Variants in AFF3 observed in about 807,000 individuals in gnomAD.
AFF3 encodes the protein ALF transcription elongation factor 3.
AFF3 carries 32 observed loss-of-function variants against 129.7 expected under a neutral mutation model. The observed-to-expected ratio is 0.25, with a 90% confidence interval of 0.19 to 0.33. The LOEUF is 0.33. AFF3 is among the 10% of genes least tolerant of loss of function. The pLI is 1.00. For missense variants in AFF3, 1,373 were observed against 1,592.0 expected (o/e 0.86, Z 2.34); for synonymous variants, 644 against 635.4 (o/e 1.01, Z -0.20).
intron 4 of AFF3, among the ~76,000 whole-genome samples, chr2:100,031,313 A>C (rs923917724): frequency 4.6e-5 from 7 of 152,224 alleles, no homozygotes; most frequent in African/African-American, 1.7e-4. Flanking sequence ...GTGGGATTAC[A>C]CATATGCAAC....
chr2:99,627,697 G>A (rs1393414937), intron 13 of AFF3, among the ~76,000 whole-genome samples: 4 of 152,240 alleles, frequency 2.6e-5, no homozygotes, highest in African/African-American at 9.6e-5. Context: ...GGTTTTTATA[G>A]TTTTGGGGTT....
chr2:99,619,034 A>G (rs1681733942), intron 13 of AFF3, among the ~76,000 whole-genome samples: 1 of 152,188 alleles, frequency 6.6e-6, no homozygotes, highest in South Asian at 2.1e-4. Context: ...CGTGTGAGTT[A>G]CCATGCCCGG....
chr2:99,837,836 C>T (rs1392689665), intron 7 of AFF3, among the ~76,000 whole-genome samples: 2 of 152,140 alleles, frequency 1.3e-5, no homozygotes, highest in African/African-American at 4.8e-5. Context: ...GGTATGAGCT[C>T]CATCCACCTT....
intron 7 of AFF3, among the ~76,000 whole-genome samples, chr2:99,964,987 C>G (rs1002956710): frequency 6.6e-6 from 1 of 152,168 alleles, no homozygotes; most frequent in Non-Finnish European, 1.5e-5. Flanking sequence ...TAATTCAACT[C>G]AGCCATCAAT....
At chr2:100,011,934 C>G (rs745586924) in intron 4 of AFF3, among the ~76,000 whole-genome samples, 3 of 152,068 alleles carry the variant, frequency 2.0e-5, no homozygotes, top group Non-Finnish European at 4.4e-5. Context: ...AAAGATGCTC[C>G]TCTTTAACTA....
rs747021166 is a variant in AFF3, at chr2:99,551,485, G to A, written c.3670C>T (p.His1224Tyr). ...CCAGGGTGAGGTCCCTATGACAGGT[G>A]GGCGCTGTTCCGCAGCCAGTGCAGG... ...QGLHWLRNSA[H>Y]LS Residue 1224 changes from histidine to tyrosine, a missense_variant, in exon 25 of 25, where the codon CAC (histidine) becomes TAC (tyrosine). His to Tyr is a moderately conservative substitution (Grantham distance 83). This residue lies in a region of AFF3 where 165 missense variants were observed against 234.0 expected (regional missense o/e 0.71). Coordinates refer to ENST00000672756, the MANE Select transcript of AFF3 (RefSeq NM_001386135.1). The A allele has an allele frequency of 1.5e-5, 24 of 1,614,090 alleles. No individual in the cohort carries two copies. The highest frequency in any genetic ancestry group is 2.0e-5 in the Non-Finnish European group (24 of 1,180,008).
At chr2:99,867,003 A>AATAAAT (rs1558928973) in intron 7 of AFF3, among the ~76,000 whole-genome samples, 1,320 of 99,090 alleles carry the variant, frequency 0.013, 30 homozygotes, top group African/African-American at 0.045. Context: ...ATAATAATAA[A>AATAAAT]AAATAAATAA....
chr2:99,934,636 AG>A (rs1326645873), intron 7 of AFF3, among the ~76,000 whole-genome samples: 1 of 152,220 alleles, frequency 6.6e-6, no homozygotes, highest in African/African-American at 2.4e-5. Context: ...AACTACAATG[AG>A]AAAAGCACCC....
chr2:99,922,304 C>A (rs1206159979), intron 7 of AFF3, among the ~76,000 whole-genome samples: 1 of 151,960 alleles, frequency 6.6e-6, no homozygotes, highest in Non-Finnish European at 1.5e-5. Flanking sequence ...TCATAATAAC[C>A]CCAAACTAGA....
At chr2:99,667,878 T>C (rs574474246) in intron 12 of AFF3, among the ~76,000 whole-genome samples, 1 of 152,044 alleles carries the variant, frequency 6.6e-6, no homozygotes, top group African/African-American at 2.4e-5. Flanking sequence ...TTTTTTTGGC[T>C]GGGCGTGGTG....
At chr2:99,918,875 G>A (rs963335988) in intron 7 of AFF3, among the ~76,000 whole-genome samples, 4 of 152,118 alleles carry the variant, frequency 2.6e-5, no homozygotes, top group African/African-American at 9.7e-5. Flanking sequence ...CCAAACTTGG[G>A]TATCTTTGAG....
intron 10 of AFF3, among the ~76,000 whole-genome samples, chr2:99,737,980 A>AG (rs34587369): frequency 0.86 from 129,995 of 151,880 alleles, 55,854 homozygotes; most frequent in South Asian, 0.93. Context: ...TATTCCTAGA[A>AG]TTCTGTTTAA....
At chr2:100,010,039 A>G (rs1308429099) in intron 4 of AFF3, among the ~76,000 whole-genome samples, 1 of 152,112 alleles carries the variant, frequency 6.6e-6, no homozygotes, top group Admixed American at 6.5e-5. Context: ...GTTCTCCCCA[A>G]ATCAGCGACA....
At chr2:99,835,828 T>C (rs1688832132) in intron 8 of AFF3, among the ~76,000 whole-genome samples, 1 of 152,082 alleles carries the variant, frequency 6.6e-6, no homozygotes, top group Admixed American at 6.6e-5. Context: ...ACGTTCTCTC[T>C]TTGTTTCAGG....
chr2:99,842,466 T>C (rs920421336), intron 7 of AFF3, among the ~76,000 whole-genome samples: 5 of 152,172 alleles, frequency 3.3e-5, no homozygotes, highest in South Asian at 4.1e-4. Context: ...TTTGTAGCTG[T>C]TGTTTCATGC....
At chr2:99,654,170 G>A (rs887025692) in intron 12 of AFF3, among the ~76,000 whole-genome samples, 4 of 152,190 alleles carry the variant, frequency 2.6e-5, no homozygotes, top group Admixed American at 6.5e-5. Flanking sequence ...GTGCGCCACT[G>A]CGCCTGGCCT....
chr2:99,602,564 A>G (rs1234063869), intron 13 of AFF3, among the ~76,000 whole-genome samples: 1 of 152,230 alleles, frequency 6.6e-6, no homozygotes, highest in Non-Finnish European at 1.5e-5. Flanking sequence ...CAACATCTTC[A>G]AAGTCCTTTA....
intron 4 of AFF3, among the ~76,000 whole-genome samples, chr2:100,072,603 CAGAGA>C (rs1396722025): frequency 6.6e-6 from 1 of 152,136 alleles, no homozygotes; most frequent in Non-Finnish European, 1.5e-5. Context: ...CCTGCAACCC[CAGAGA>C]AAGTGCCCAT....
At chr2:100,107,130 GT>G (rs1691338323) in intron 2 of AFF3, 1 of 985,314 alleles carries the variant, frequency 1.0e-6, no homozygotes. Context: ...CCAGTGTTAT[GT>G]TTTCATGTAA....
Sources: gnomAD v4.1 joint callset for allele counts (sites outside exome capture counted in the v4.1 genomes callset) on GRCh38, gnomAD v4.1.1 for gene constraint, gnomAD v4.1.1 regional missense constraint, MANE v1.5 for transcripts, NCBI Gene and HGNC (gene_info 2026-07-23, HGNC 2026-07-21) for gene names.